PCDHGA12: variants seen among roughly 807,000 people sequenced by gnomAD.
PCDHGA12 encodes protocadherin gamma subfamily A, 12.
PCDHGA12 carries 43 observed loss-of-function variants against 61.1 expected under a neutral mutation model. That is an observed-to-expected ratio of 0.70 (90% CI 0.55 to 0.91). The LOEUF is 0.91. Among genes scored for constraint, PCDHGA12 ranks in the 40% least tolerant of loss-of-function variants. PCDHGA12 has a pLI of 0.00. For synonymous variants in PCDHGA12, 520 were observed against 542.9 expected (o/e 0.96, Z 0.59); for missense variants, 1,236 against 1,227.7 (o/e 1.01, Z -0.10).
Position 141,511,348 on chromosome 5 carries a change from C to T in PCDHGA12, c.*175C>T. Reference sequence around the variant, plus strand: ...TGCCCAGTCAGCACCTACCCCTTCCCCCCCAGGGGGTTGAATATGCAAAAG... The same window carrying T: ...TGCCCAGTCAGCACCTACCCCTTCCTCCCCAGGGGGTTGAATATGCAAAAG... On this transcript the variant is annotated 3_prime_UTR_variant, in exon 4 of 4. Transcript: ENST00000252085. The T allele has an allele frequency of 7.1e-7, 1 of 1,404,104 alleles. No homozygotes were observed. The highest frequency in any genetic ancestry group is 9.5e-7 in the Non-Finnish European group (1 of 1,056,554). 87.0% of individuals were successfully genotyped at this position (1,404,104 alleles called of 1,614,324 possible). A position where few individuals can be genotyped will look rare whatever the true frequency, so the allele number is the denominator to read the frequency against.
Position 141,431,072 on chromosome 5 carries a change from A to G in PCDHGA12, c.313A>G (p.Asn105Asp). Residue 105 changes from asparagine (N) to aspartate (D), a missense_variant, in exon 1 of 4, where the codon AAT becomes GAT. Physicochemically the swap from Asn to Asp is conservative, Grantham distance 23. Transcript: ENST00000252085. The surrounding 1 kb of genome is among the most constrained non-coding windows in gnomAD (Gnocchi z 4.8). ...TATGGGGGCCATCAAGTGTCAATTA[A>G]ATCTAGACATTCTGATGGAGGATAA... is the stretch of plus-strand genomic sequence containing the variant. ...LCMGAIKCQL[N>D]LDILMEDKVK... 1 of 1,614,220 alleles carries G rather than the reference A, an allele frequency of 6.2e-7. No individual in the cohort carries two copies. Among genetic ancestry groups the G allele is most frequent in the Non-Finnish European group, 8.5e-7 (1 of 1,180,012 alleles).
chr5:141,455,162 T>G (rs1002208156), intron 1 of PCDHGA12, among the ~76,000 whole-genome samples: 5 of 150,972 alleles, frequency 3.3e-5, no homozygotes, highest in African/African-American at 7.3e-5. Context: ...GTTTGTTGGT[T>G]TTTTTTTTAG....
intron 1 of PCDHGA12, chr5:141,478,109 T>G: frequency 1.2e-6 from 2 of 1,614,086 alleles, no homozygotes; most frequent in Non-Finnish European, 8.5e-7. Flanking sequence ...CCTCACTGTG[T>G]CAGTAACCGA....
chr5:141,455,860 A>ATTATTTATTTAT (rs145569377), intron 1 of PCDHGA12, among the ~76,000 whole-genome samples: 9 of 139,836 alleles, frequency 6.4e-5, no homozygotes, highest in African/African-American at 7.9e-5. Context: ...AATTTCTTTT[A>ATTATTTATTTAT]TTATTTATTT....
chr5:141,487,435 A>G lies in PCDHGA12; in HGVS notation c.2425-7372A>G, dbSNP rs776328527. On this transcript the variant is annotated intron_variant, in intron 1 of 3. Transcript: ENST00000252085. The surrounding 1 kb of genome is among the most constrained non-coding windows in gnomAD (Gnocchi z 5.0). ...CCAATGGGATCCTCCGAATCCAGCT[A>G]GGGTCAGATGACCCTATCAAGTTTG... 3.7e-6 allele frequency: 6 copies of G among 1,614,164 alleles called. No individual in the cohort carries two copies. In the South Asian group the frequency reaches 6.6e-5, roughly 18 times the overall value.
chr5:141,476,986 C>A lies in PCDHGA12; in HGVS notation c.2425-17821C>A. ...CCTTCGGCAGCCACAACCGCGCCGG[C>A]GTGCGGCAACTATTCGCCTTAGACC... On this transcript the variant is annotated intron_variant, in intron 1 of 3. Transcript: ENST00000252085. The surrounding 1 kb of genome is among the most constrained non-coding windows in gnomAD (Gnocchi z 7.6). 6.2e-7 allele frequency: 1 copy of A among 1,614,218 alleles called. No individual in the cohort carries two copies. The highest frequency in any genetic ancestry group is 8.5e-7 in the Non-Finnish European group (1 of 1,180,042).
Position 141,490,772 on chromosome 5 carries a change from C to T in PCDHGA12, c.2425-4035C>T. ...GCCTCCTCCTTTGTGTATGTCAACC[C>T]AGAGGATGGACGGATCTTTGCCCAG... On this transcript the variant is annotated intron_variant, in intron 1 of 3. Coordinates refer to ENST00000252085, the MANE Select transcript of PCDHGA12 (RefSeq NM_003735.3). This position sits in a 1 kb window ranked among gnomAD's most constrained non-coding sequence, Gnocchi z 5.4. 6.2e-7 allele frequency: 1 copy of T among 1,614,164 alleles called. No homozygotes were observed. The highest frequency in any genetic ancestry group is 1.1e-5 in the South Asian group (1 of 91,082).
chr5:141,510,568 G>C (rs2099881703), intron 3 of PCDHGA12, among the ~76,000 whole-genome samples: 1 of 152,100 alleles, frequency 6.6e-6, no homozygotes, highest in Non-Finnish European at 1.5e-5. Context: ...CATCTACCAG[G>C]CACTATTTTA....
Position 141,487,613 on chromosome 5 carries a change from G to C in PCDHGA12, c.2425-7194G>C, listed in dbSNP as rs1460090760. 1 of 1,614,218 alleles carries C rather than the reference G, an allele frequency of 6.2e-7. No homozygotes were observed. ...ACCCTCTGATCTTCTCTATGGGCTA[G>C]AGGTGAGACCTTTGCAGGCTCAACA... On this transcript the variant is annotated intron_variant, in intron 1 of 3. Coordinates refer to ENST00000252085, the MANE Select transcript of PCDHGA12 (RefSeq NM_003735.3). The surrounding 1 kb of genome is among the most constrained non-coding windows in gnomAD (Gnocchi z 5.0).
chr5:141,489,091 T>C lies in PCDHGA12; in HGVS notation c.2425-5716T>C. 1 of 333,052 alleles carries C rather than the reference T, an allele frequency of 3.0e-6. No individual in the cohort carries two copies. The highest frequency in any genetic ancestry group is 5.5e-6 in the Non-Finnish European group (1 of 181,380). 20.6% of individuals were successfully genotyped at this position (333,052 alleles called of 1,614,324 possible). On this transcript the variant is annotated intron_variant, in intron 1 of 3. Coordinates refer to ENST00000252085, the MANE Select transcript of PCDHGA12 (RefSeq NM_003735.3). This position sits in a 1 kb window ranked among gnomAD's most constrained non-coding sequence, Gnocchi z 4.5. ...CTGCCCACCCCCGCCACTCGGTGAC[T>C]AAGAACTGCTGCAAGCAGGCAAACC...
intron 2 of PCDHGA12, among the ~76,000 whole-genome samples, chr5:141,504,572 A>G (rs184273457): frequency 6.7e-6 from 1 of 148,962 alleles, no homozygotes; most frequent in Admixed American, 6.9e-5. Flanking sequence ...TCTAGGGAAC[A>G]CCATCTGCCC....
chr5:141,431,839 T>A lies in PCDHGA12; in HGVS notation c.1080T>A (p.Ser360=). The A allele has an allele frequency of 1.2e-6, 2 of 1,614,198 alleles. No individual in the cohort carries two copies. The highest frequency in any genetic ancestry group is 1.7e-6 in the Non-Finnish European group (2 of 1,180,028). The stretch of plus-strand genomic sequence containing the variant: ...TCGCCAGCTCGGTTCCCGAAAACTC[T>A]CCCAGAGGGACATTAATTGCCCTTT... The part of the protein sequence containing the change: ...TSLASSVPEN[S]PRGTLIALLN... Residue 360 remains serine (S), a synonymous_variant, in exon 1 of 4, where the codon TCT becomes TCA. Coordinates refer to ENST00000252085, the MANE Select transcript of PCDHGA12 (RefSeq NM_003735.3). This position sits in a 1 kb window ranked among gnomAD's most constrained non-coding sequence, Gnocchi z 4.8.
rs530054362 is a variant in PCDHGA12 at position 141,486,066 on chromosome 5, C to G, written c.2425-8741C>G. ...AGAAACCTCTTTAGCCTGCACCCCACTACTGGAAAGCTTACTCTTTTGGGG... is the reference window on the plus strand; with the variant it reads ...AGAAACCTCTTTAGCCTGCACCCCAGTACTGGAAAGCTTACTCTTTTGGGG... On this transcript the variant is annotated intron_variant, in intron 1 of 3. Coordinates refer to ENST00000252085, the MANE Select transcript of PCDHGA12 (RefSeq NM_003735.3). This position sits in a 1 kb window ranked among gnomAD's most constrained non-coding sequence, Gnocchi z 5.0. The G allele has an allele frequency of 3.1e-6, 5 of 1,614,166 alleles. No homozygotes were observed. In the African/African-American group the frequency reaches 5.3e-5, roughly 17 times the overall value.
chr5:141,453,144 C>T lies in PCDHGA12; in HGVS notation c.2424+19961C>T, dbSNP rs530175947. ...TTGTTTTGTTTTTGAGATAGGGTCT[C>T]GCTATGTCACCCAGGCTGGAGTCCA... On this transcript the variant is annotated intron_variant, in intron 1 of 3. Transcript: ENST00000252085. Among the ~76,000 whole-genome samples, 290 of 152,062 alleles carry T rather than the reference C, an allele frequency of 1.9e-3. 1 individual carries two copies. The highest frequency in any genetic ancestry group is 6.3e-3 in the African/African-American group (260 of 41,478).
At chr5:141,449,450 T>C (rs1269861041) in intron 1 of PCDHGA12, among the ~76,000 whole-genome samples, 2 of 151,216 alleles carry the variant, frequency 1.3e-5, no homozygotes, top group Non-Finnish European at 2.9e-5. Context: ...CTACTAAAAA[T>C]ACAAAAATTA....
chr5:141,442,774 AT>A (rs2098342677), intron 1 of PCDHGA12, among the ~76,000 whole-genome samples: 1 of 152,188 alleles, frequency 6.6e-6, no homozygotes, highest in Non-Finnish European at 1.5e-5. Flanking sequence ...TATGTGTTTG[AT>A]TATATTTTAT....
intron 1 of PCDHGA12, among the ~76,000 whole-genome samples, chr5:141,451,138 A>T (rs1348825654): frequency 6.6e-6 from 1 of 152,242 alleles, no homozygotes; most frequent in East Asian, 1.9e-4. Flanking sequence ...TTATGATTGT[A>T]TTTAGACTAG....
In PCDHGA12 at chr5:141,491,081, C is replaced by T; in HGVS notation, c.2425-3726C>T. The T allele has an allele frequency of 6.2e-7, 1 of 1,614,176 alleles. No individual in the cohort carries two copies. The highest frequency in any genetic ancestry group is 8.5e-7 in the Non-Finnish European group (1 of 1,180,010). On this transcript the variant is annotated intron_variant, in intron 1 of 3. Coordinates refer to ENST00000252085, the MANE Select transcript of PCDHGA12 (RefSeq NM_003735.3). The surrounding 1 kb of genome is among the most constrained non-coding windows in gnomAD (Gnocchi z 6.9). Reference sequence around the variant, plus strand: ...TCCTACTCACTGTTGCCACAGTCCACAGCCCCAGGACTGTTCCTCGTGTCT... The same window carrying T: ...TCCTACTCACTGTTGCCACAGTCCATAGCCCCAGGACTGTTCCTCGTGTCT...
In PCDHGA12 at chr5:141,491,623, G is replaced by C; in HGVS notation, c.2425-3184G>C. On this transcript the variant is annotated intron_variant, in intron 1 of 3. Coordinates refer to ENST00000252085, the MANE Select transcript of PCDHGA12 (RefSeq NM_003735.3). The surrounding 1 kb of genome is among the most constrained non-coding windows in gnomAD (Gnocchi z 6.9). ...CTTCACTTTTCTAAGACCCCTCAGC[G>C]TTCAGCAGCCCACAGCTCTGGCGCT... 1 of 1,613,930 alleles carries C rather than the reference G, an allele frequency of 6.2e-7. No individual in the cohort carries two copies. Among genetic ancestry groups the C allele is most frequent in the Non-Finnish European group, 8.5e-7 (1 of 1,180,020 alleles).
Sources: allele counts gnomAD v4.1 joint callset (sites outside exome capture counted in the v4.1 genomes callset), GRCh38; gene constraint gnomAD v4.1.1; non-coding constraint Gnocchi (gnomAD v3.1); transcripts MANE v1.5; gene names NCBI Gene and HGNC (gene_info 2026-07-23, HGNC 2026-07-21).